DDX60L: variants seen among roughly 807,000 people sequenced by gnomAD.
The protein encoded by DDX60L is probable ATP-dependent RNA helicase DDX60-like.
A neutral mutation model predicts 211.6 loss-of-function variants in DDX60L; 191 were observed. The observed-to-expected ratio is 0.90, with a 90% CI of 0.80 to 1.02. The LOEUF is 1.02. Among genes scored for constraint, DDX60L ranks in the 50% least tolerant of loss-of-function variants. The probability of loss-of-function intolerance (pLI) is 0.00; values close to 1 mark genes in which losing one functional copy is unlikely to be tolerated. For missense variants in DDX60L, 2,007 were observed against 1,984.1 expected, an observed-to-expected ratio of 1.01 and a Z score of -0.22; for synonymous variants, 706 against 694.1, an observed-to-expected ratio of 1.02 and a Z score of -0.27.
chr4:168,464,144 T>C (rs574071859), intron 4 of DDX60L, among the ~76,000 whole-genome samples: 1 of 152,282 alleles, frequency 6.6e-6, no homozygotes, highest in South Asian at 2.1e-4. Flanking sequence ...AAATAAAAAT[T>C]AATTTTAGCT....
rs1752489221 is a variant in DDX60L, at chr4:168,432,368, T to C, written c.1516+87A>G. 4 of 449,232 alleles carry C rather than the reference T, an allele frequency of 8.9e-6. No homozygotes were observed. In the South Asian group the frequency reaches 1.6e-4, roughly 18 times the overall value. The allele number at this position is 449,232 out of a possible 1,614,324, so 27.8% of individuals were successfully genotyped here. A position where few individuals can be genotyped will look rare whatever the true frequency, so the allele number is the denominator to read the frequency against. On this transcript the variant is annotated intron_variant, in intron 12 of 37. Coordinates refer to ENST00000682922, the MANE Select transcript of DDX60L (RefSeq NM_001012967.3). ...GATCTCATTCAAAATAGAACGTGTT[T>C]ACAATGTAATATCTTTTCACTGTTA...
intron 20 of DDX60L, among the ~76,000 whole-genome samples, chr4:168,416,470 G>T (rs1579493332): frequency 1.3e-5 from 2 of 152,262 alleles, no homozygotes; most frequent in African/African-American, 4.8e-5. Flanking sequence ...TGTGGTCCCA[G>T]CTACTCAGGA....
Position 168,384,831 on chromosome 4 carries a change from C to T in DDX60L, c.3916-19G>A. On this transcript the variant is annotated intron_variant, in intron 29 of 37. Coordinates refer to ENST00000682922, the MANE Select transcript of DDX60L (RefSeq NM_001012967.3). Reference sequence around the variant, plus strand: ...CAGACATCTGGAAGCAGCAAAGAATCACAATGTAAAACCTCCACAGATAAT... The same window carrying T: ...CAGACATCTGGAAGCAGCAAAGAATTACAATGTAAAACCTCCACAGATAAT... 1 of 1,604,280 alleles carries T rather than the reference C, an allele frequency of 6.2e-7. No homozygotes were observed. Among genetic ancestry groups the T allele is most frequent in the Non-Finnish European group, 8.5e-7 (1 of 1,174,268 alleles).
rs1738407902 is a variant in DDX60L, at chr4:168,357,925, G to A, written c.*222C>T. On this transcript the variant is annotated 3_prime_UTR_variant, in exon 38 of 38. Transcript: ENST00000682922. ...CATTTAATCCTCAAAACAACTAGAGGTATTCATTTTTACTCCGGTTTTGCC... is the reference window on the plus strand; with the variant it reads ...CATTTAATCCTCAAAACAACTAGAGATATTCATTTTTACTCCGGTTTTGCC... 4.7e-6 allele frequency: 2 copies of A among 427,490 alleles called. No homozygotes were observed. The highest frequency in any genetic ancestry group is 5.8e-5 in the South Asian group (2 of 34,498). 26.5% of individuals were successfully genotyped at this position (427,490 alleles called of 1,614,324 possible). A position where few individuals can be genotyped will look rare whatever the true frequency, so the allele number is the denominator to read the frequency against.
chr4:168,457,693 T>C (rs1053231435), intron 6 of DDX60L, among the ~76,000 whole-genome samples, 199 bp downstream of exon 6: 2 of 152,122 alleles, frequency 1.3e-5, no homozygotes, highest in South Asian at 2.1e-4. Context: ...CTTCCGGAAA[T>C]GAATATAAAA....
intron 36 of DDX60L, among the ~76,000 whole-genome samples, chr4:168,368,650 C>T (rs1469414365): frequency 6.6e-6 from 1 of 152,222 alleles, no homozygotes; most frequent in East Asian, 1.9e-4. Context: ...CCTGGAAAAG[C>T]CACAGACACT....
chr4:168,419,816 TG>T (rs1750187760), intron 18 of DDX60L, among the ~76,000 whole-genome samples: 1 of 152,220 alleles, frequency 6.6e-6, no homozygotes, highest in Admixed American at 6.5e-5. Flanking sequence ...AGTAATGCAT[TG>T]GGTTTGTTAA....
At chr4:168,362,023 GCA>G in intron 36 of DDX60L, among the ~76,000 whole-genome samples, 1 of 152,198 alleles carries the variant, frequency 6.6e-6, no homozygotes, top group East Asian at 1.9e-4. Flanking sequence ...TGGGGAAAAG[GCA>G]GACATGCACA....
At chr4:168,436,303 C>T (rs1179408645) in intron 10 of DDX60L, among the ~76,000 whole-genome samples, 1 of 152,212 alleles carries the variant, frequency 6.6e-6, no homozygotes, top group Admixed American at 6.5e-5. Flanking sequence ...ATATAGTTAC[C>T]TTCCCTGCAT....
intron 32 of DDX60L, among the ~76,000 whole-genome samples, chr4:168,378,978 C>T (rs1378613220): frequency 6.6e-6 from 1 of 152,120 alleles, no homozygotes; most frequent in Non-Finnish European, 1.5e-5. Flanking sequence ...TCATCTTGAC[C>T]TACTCTCCAC....
In DDX60L at chr4:168,421,859, G is replaced by A. The variant is rs746919611; in HGVS notation, c.2295C>T (p.Ala765=). 2 of 1,614,030 alleles carry A rather than the reference G, an allele frequency of 1.2e-6. No homozygotes were observed. Among genetic ancestry groups the A allele is most frequent in the East Asian group, 2.2e-5 (1 of 44,890 alleles). ...CATAGGTTTTGCCTGAGGACGTTGGGGCAACAATCACTGCTGACTCATTCT... is the reference window on the plus strand; with the variant it reads ...CATAGGTTTTGCCTGAGGACGTTGGAGCAACAATCACTGCTGACTCATTCT... ...VDKNESAVIV[A]PTSSGKTYAS... The change falls in exon 17 of 38, where the codon GCC becomes GCT. Residue 765 remains alanine (A), a synonymous_variant. Transcript: ENST00000682922.
Position 168,395,963 on chromosome 4 carries a change from T to G in DDX60L, c.3653A>C (p.Asp1218Ala). 6.3e-7 allele frequency: 1 copy of G among 1,593,316 alleles called. No individual in the cohort carries two copies. The highest frequency in any genetic ancestry group is 2.2e-5 in the East Asian group (1 of 44,760). Residue 1218 changes from aspartate to alanine, a missense_variant, in exon 27 of 38, where the codon GAC becomes GCC. By Grantham distance (126) the Asp-to-Ala change is moderately radical. Transcript: ENST00000682922. The part of the protein sequence containing the change: ...ALHTEITRNK[D>A]STLERVLPRV... ...ATTAATAATTCTCTGACGTACTGAG[T>G]CTTTATTCCTGGTAATTTCAGTGTG...
At chr4:168,436,404 G>A (rs1183839658) in intron 10 of DDX60L, among the ~76,000 whole-genome samples, 1 of 152,204 alleles carries the variant, frequency 6.6e-6, no homozygotes, top group Non-Finnish European at 1.5e-5. Context: ...CTGATCACAA[G>A]GAACTCACTT....
At chr4:168,366,267 A>G (rs1456868606) in intron 36 of DDX60L, among the ~76,000 whole-genome samples, 1 of 152,200 alleles carries the variant, frequency 6.6e-6, no homozygotes, top group East Asian at 1.9e-4. Flanking sequence ...AACTGCTAGA[A>G]CTGATCAACA....
intron 35 of DDX60L, 96 bp downstream of exon 35, chr4:168,373,570 T>C: frequency 8.3e-7 from 1 of 1,200,668 alleles, no homozygotes; most frequent in Non-Finnish European, 1.2e-6. Flanking sequence ...CATTTTTCAG[T>C]GTTTTGGGTT....
chr4:168,393,301 G>C (rs1194306386), intron 28 of DDX60L, among the ~76,000 whole-genome samples: 1 of 152,092 alleles, frequency 6.6e-6, no homozygotes, highest in Non-Finnish European at 1.5e-5. Context: ...TTTGAGACCA[G>C]CGTGGCCAAC....
intron 25 of DDX60L, among the ~76,000 whole-genome samples, chr4:168,402,960 T>C (rs1747098642): frequency 6.6e-6 from 1 of 152,240 alleles, no homozygotes; most frequent in Non-Finnish European, 1.5e-5. Flanking sequence ...AGTGTATAAA[T>C]AATGAATCCT....
intron 24 of DDX60L, among the ~76,000 whole-genome samples, chr4:168,404,627 C>G (rs1419478575): frequency 6.6e-6 from 1 of 152,010 alleles, no homozygotes; most frequent in Non-Finnish European, 1.5e-5. Context: ...AATACAATGG[C>G]CAATAGAAGT....
intron 7 of DDX60L, 83 bp from the exon 8 acceptor site, chr4:168,453,365 T>G (rs1756074939): frequency 7.1e-7 from 1 of 1,401,662 alleles, no homozygotes; most frequent in Non-Finnish European, 9.6e-7. Flanking sequence ...GAAGATCATA[T>G]CTTCAAAGTT....
Sources: gnomAD v4.1 joint callset for allele counts (sites outside exome capture counted in the v4.1 genomes callset) on GRCh38, gnomAD v4.1.1 for gene constraint, MANE v1.5 for transcripts, NCBI Gene and HGNC (gene_info 2026-07-23, HGNC 2026-07-21) for gene names.